The following TUBAL3 variants were observed in gnomAD, a reference collection of about 807,000 sequenced individuals.
TUBAL3 encodes tubulin alpha chain-like 3.
Under a neutral mutation model 15.5 loss-of-function variants are expected in TUBAL3, and 16 were observed. The observed-to-expected ratio is 1.04, with a 90% CI of 0.70 to 1.57. The LOEUF (loss-of-function observed/expected upper bound fraction) is 1.57. TUBAL3 is among the 40% of genes most tolerant of loss of function. The pLI is 0.00. For missense variants in TUBAL3, 609 were observed against 576.2 expected, an observed-to-expected ratio of 1.06 and a Z score of -0.58; for synonymous variants, 238 against 224.3, an observed-to-expected ratio of 1.06 and a Z score of -0.55.
chr10:5,398,538 C>T (rs115272133), intron 2 of TUBAL3, among the ~76,000 whole-genome samples: 3,482 of 151,852 alleles, frequency 0.023, 133 homozygotes, highest in African/African-American at 0.079. Context: ...GTTCACTGAG[C>T]TATGATTACG....
At position 5,393,862 on chromosome 10, in the gene TUBAL3, G is replaced by A. The variant is rs1554813780; in HGVS notation, c.996C>T (p.Pro332=). 6 of 1,614,046 alleles carry A rather than the reference G, an allele frequency of 3.7e-6. No individual in the cohort carries two copies. Among genetic ancestry groups the A allele is most frequent in the Non-Finnish European group, 5.1e-6 (6 of 1,180,040 alleles). The change falls in exon 4 of 4, where the codon CCC becomes CCT. Residue 332 remains proline (P), a synonymous_variant. Transcript: ENST00000380419. ...CTGCGATTGCTGCATTCACTTCCTT[G>A]GGGACCACATCCCCTCTATAGAGTA... ...CCLLYRGDVV[P]KEVNAAIAAT... is the part of the protein sequence containing the mutation.
At position 5,404,816 on chromosome 10, in the gene TUBAL3, G is replaced by A; in HGVS notation, c.-24C>T. On this transcript the variant is annotated 5_prime_UTR_variant, in exon 1 of 4. Coordinates refer to ENST00000380419, the MANE Select transcript of TUBAL3 (RefSeq NM_024803.3). ...ATGCTGATGAGAACGTGCCCTTCCTGCCCTGTAGTAATGACTGAGGAGCCT... is the reference window on the plus strand; with the variant it reads ...ATGCTGATGAGAACGTGCCCTTCCTACCCTGTAGTAATGACTGAGGAGCCT... 6.2e-7 allele frequency: 1 copy of A among 1,612,908 alleles called. No individual in the cohort carries two copies. The highest frequency in any genetic ancestry group is 1.1e-5 in the South Asian group (1 of 90,954).
chr10:5,404,693 G>T, intron 1 of TUBAL3, 97 bp downstream of exon 1: 1 of 1,259,318 alleles, frequency 7.9e-7, no homozygotes, highest in Non-Finnish European at 1.1e-6. Flanking sequence ...GTCTTCTCTT[G>T]CATTACAATT....
At chr10:5,403,095 C>T (rs1831880908) in intron 1 of TUBAL3, among the ~76,000 whole-genome samples, 1 of 152,210 alleles carries the variant, frequency 6.6e-6, no homozygotes, top group Non-Finnish European at 1.5e-5. Flanking sequence ...AAGTTCACTA[C>T]CTTAGTAGGG....
At chr10:5,404,727 G>A in intron 1 of TUBAL3, 63 bp downstream of exon 1, 1 of 1,568,358 alleles carries the variant, frequency 6.4e-7, no homozygotes, top group East Asian at 2.2e-5. Flanking sequence ...TTTGCTGTGG[G>A]AAAAGGGCCA....
At chr10:5,403,561 T>C (rs1282545907) in intron 1 of TUBAL3, among the ~76,000 whole-genome samples, 6 of 151,694 alleles carry the variant, frequency 4.0e-5, no homozygotes, top group Non-Finnish European at 8.8e-5. Context: ...AAAAAGATTG[T>C]TCCTCTTCAC....
chr10:5,399,282 C>T (rs939074720), intron 2 of TUBAL3, among the ~76,000 whole-genome samples: 1 of 152,180 alleles, frequency 6.6e-6, no homozygotes. Context: ...ACAATTCATG[C>T]GTTGAATCCC....
At chr10:5,400,402 C>T (rs534012245) in intron 2 of TUBAL3, among the ~76,000 whole-genome samples, 1 of 152,240 alleles carries the variant, frequency 6.6e-6, no homozygotes, top group Non-Finnish European at 1.5e-5. Context: ...GAGACTAAGG[C>T]AGGTGGGTCA....
intron 2 of TUBAL3, among the ~76,000 whole-genome samples, chr10:5,399,019 G>T (rs531306898): frequency 5.7e-4 from 86 of 152,078 alleles, no homozygotes; most frequent in Middle Eastern, 3.4e-3. Flanking sequence ...ACTAGATTAG[G>T]CTACTTTCCT....
Position 5,396,353 on chromosome 10 carries a change from C to T in TUBAL3, c.248-878G>A, listed in dbSNP as rs991596442. On this transcript the variant is annotated intron_variant, in intron 2 of 3. Transcript: ENST00000380419. The surrounding 1 kb of genome is among the most constrained non-coding windows in gnomAD (Gnocchi z 5.1). ...TGAAACCCTGTCTCTACTAAAAGTA[C>T]AGAAAATTAGCCAGGCATGGTGGTG... Among the ~76,000 whole-genome samples the T allele has an allele frequency of 6.6e-6, 1 of 151,806 alleles. No homozygotes were observed. The highest frequency in any genetic ancestry group is 1.9e-4 in the East Asian group (1 of 5,162).
intron 2 of TUBAL3, among the ~76,000 whole-genome samples, chr10:5,399,604 C>G (rs1406112728): frequency 2.0e-5 from 3 of 152,196 alleles, no homozygotes; most frequent in Non-Finnish European, 4.4e-5. Context: ...GGCATCTTCA[C>G]GTCGAAGGCA....
chr10:5,398,633 A>T (rs1424649487), intron 2 of TUBAL3, among the ~76,000 whole-genome samples: 1 of 151,738 alleles, frequency 6.6e-6, no homozygotes, highest in African/African-American at 2.4e-5. Flanking sequence ...ATATTGGATG[A>T]CTCCCCGGTT....
rs143923208 is a variant in TUBAL3 at position 5,394,279 on chromosome 10, G to A, written c.579C>T (p.Asn193=). The part of the protein sequence containing the change: ...RISTAVVEPY[N]SVLTTHSTTE... ...TGGTGGAGTGGGTGGTGAGGACAGAGTTATAAGGCTCTACCACAGCAGTGG... is the reference window on the plus strand; with the variant it reads ...TGGTGGAGTGGGTGGTGAGGACAGAATTATAAGGCTCTACCACAGCAGTGG... The change falls in exon 4 of 4, where the codon AAC becomes AAT. Residue 193 remains asparagine, a synonymous_variant. Transcript: ENST00000380419. The surrounding 1 kb of genome is among the most constrained non-coding windows in gnomAD (Gnocchi z 4.3). 99 of 1,614,146 alleles carry A rather than the reference G, an allele frequency of 6.1e-5. No individual in the cohort carries two copies. The African/African-American group carries it at 1.1e-3, about 18-fold the overall frequency.
chr10:5,395,158 GA>G lies in TUBAL3; in HGVS notation c.396+168del, dbSNP rs1232289797. On this transcript the variant is annotated intron_variant, in intron 3 of 3. Transcript: ENST00000380419. This position sits in a 1 kb window ranked among gnomAD's most constrained non-coding sequence, Gnocchi z 4.6. ...TCTGTCTCCTTCCTAGTAACAAGGG[GA>G]AATCAAAGCCAAGATGAGAACCCCT... Among the ~76,000 whole-genome samples the G allele has an allele frequency of 6.6e-6, 1 of 152,158 alleles. No homozygotes were observed. Among genetic ancestry groups the G allele is most frequent in the East Asian group, 1.9e-4 (1 of 5,194 alleles).
intron 1 of TUBAL3, among the ~76,000 whole-genome samples, chr10:5,403,928 A>C (rs563633769): frequency 7.2e-5 from 11 of 152,320 alleles, no homozygotes; most frequent in Middle Eastern, 3.4e-3. Context: ...TTGTAGATTG[A>C]TATGCAGCTG....
chr10:5,404,645 A>T, intron 1 of TUBAL3, 145 bp downstream of exon 1: 1 of 809,232 alleles, frequency 1.2e-6, no homozygotes, highest in Non-Finnish European at 2.0e-6. Flanking sequence ...CAACTCATCT[A>T]CTTGGACATT....
At position 5,393,736 on chromosome 10, in the gene TUBAL3, G is replaced by A; in HGVS notation, c.1122C>T (p.Asp374=). ...NRPPTVMPGG[D]LAKVHRSICM... ...AGATGGACCGGTGGACTTTGGCCAG[G>A]TCCCCACCCGGCATCACCGTGGGCG... is the stretch of plus-strand genomic sequence containing the variant. The change falls in exon 4 of 4, where the codon GAC becomes GAT. Residue 374 remains aspartate (D), a synonymous_variant. Coordinates refer to ENST00000380419, the MANE Select transcript of TUBAL3 (RefSeq NM_024803.3). 6 of 1,614,198 alleles carry A rather than the reference G, an allele frequency of 3.7e-6. No individual in the cohort carries two copies. Among genetic ancestry groups the A allele is most frequent in the Non-Finnish European group, 5.1e-6 (6 of 1,180,034 alleles).
Position 5,394,372 on chromosome 10 carries a change from C to G in TUBAL3, c.486G>C (p.Glu162Asp). 6.2e-7 allele frequency: 1 copy of G among 1,614,156 alleles called. No homozygotes were observed. The highest frequency in any genetic ancestry group is 8.5e-7 in the Non-Finnish European group (1 of 1,180,036). Residue 162 changes from glutamate (E) to aspartate (D), a missense_variant, in exon 4 of 4, where the codon GAG becomes GAC. By Grantham distance (45) the Glu-to-Asp change is conservative (BLOSUM62 2). Coordinates refer to ENST00000380419, the MANE Select transcript of TUBAL3 (RefSeq NM_024803.3). The surrounding 1 kb of genome is among the most constrained non-coding windows in gnomAD (Gnocchi z 4.3). ...TGSGFTSLLM[E>D]RLTGEYSRKT... ...TTCTGCTATATTCTCCTGTGAGCCTCTCCATTAAGAGAGACGTAAACCCTG... is the reference window on the plus strand; with the variant it reads ...TTCTGCTATATTCTCCTGTGAGCCTGTCCATTAAGAGAGACGTAAACCCTG...
chr10:5,403,431 C>A (rs1831885030), intron 1 of TUBAL3, among the ~76,000 whole-genome samples: 1 of 152,036 alleles, frequency 6.6e-6, no homozygotes, highest in African/African-American at 2.4e-5. Flanking sequence ...ATGTAGATTT[C>A]TCTGTCTTCT....
Sources: allele counts gnomAD v4.1 joint callset (sites outside exome capture counted in the v4.1 genomes callset), GRCh38; gene constraint gnomAD v4.1.1; non-coding constraint Gnocchi (gnomAD v3.1); transcripts MANE v1.5; gene names NCBI Gene and HGNC (gene_info 2026-07-23, HGNC 2026-07-21).